The following RNF123 variants were observed in gnomAD, a reference collection of about 807,000 sequenced individuals.
The protein encoded by RNF123 is ring finger protein 123.
A neutral mutation model predicts 168.5 loss-of-function variants in RNF123; 86 were observed. The observed-to-expected ratio is 0.51, with a 90% confidence interval of 0.43 to 0.61. The LOEUF is 0.61. Ranked by LOEUF, RNF123 falls within the 20% of genes least tolerant of loss-of-function variation. The pLI is 0.00. For synonymous variants in RNF123, 666 were observed against 689.1 expected (o/e 0.97, Z 0.52); for missense variants, 1,419 against 1,729.7 (o/e 0.82, Z 3.19).
chr3:49,703,613 C>A, intron 21 of RNF123, 85 bp downstream of exon 21: 1 of 1,071,954 alleles, frequency 9.3e-7, no homozygotes, highest in Non-Finnish European at 1.4e-6. Flanking sequence ...GATGCTGAGC[C>A]ATCCTATGGC....
rs1559676223 is a variant in RNF123, at chr3:49,701,919, GC to G, written c.1495+11del. 5 of 1,559,220 alleles carry G rather than the reference GC, an allele frequency of 3.2e-6. No homozygotes were observed. Among genetic ancestry groups the G allele is most frequent in the Non-Finnish European group, 4.3e-6 (5 of 1,151,140 alleles). On this transcript the variant is annotated intron_variant, in intron 17 of 38. Transcript: ENST00000327697. ...CAGGAAGCGCATCGAAGGTCAGCCC[GC>G]CTTGGGCACGGGGTAGGGTGGGAGG...
intron 3 of RNF123, among the ~76,000 whole-genome samples, chr3:49,696,751 A>C (rs1340591137): frequency 6.7e-6 from 1 of 149,976 alleles, no homozygotes; most frequent in Non-Finnish European, 1.5e-5. Context: ...GGTTCAAGCT[A>C]TTCTCCTGCC....
intron 24 of RNF123, 129 bp downstream of exon 24, chr3:49,705,808 C>CT: frequency 6.7e-7 from 1 of 1,483,996 alleles, no homozygotes; most frequent in Non-Finnish European, 9.2e-7. Flanking sequence ...CATGCCTCAG[C>CT]GAGGCTGGTT....
intron 27 of RNF123, chr3:49,713,254 G>C (rs969021924): frequency 3.4e-6 from 2 of 593,474 alleles, no homozygotes; most frequent in Non-Finnish European, 3.0e-6. Flanking sequence ...TGCTCATCAG[G>C]TGTGTGTGCT....
chr3:49,706,927 C>T (rs906729157), intron 26 of RNF123, 29 bp downstream of exon 26: 34 of 1,587,762 alleles, frequency 2.1e-5, no homozygotes, highest in African/African-American at 9.4e-5. Flanking sequence ...TGCCCCTTCC[C>T]GACCTCACTG....
chr3:49,695,444 G>A (rs1401593886), intron 3 of RNF123, among the ~76,000 whole-genome samples: 2 of 152,172 alleles, frequency 1.3e-5, no homozygotes, highest in Admixed American at 1.3e-4. Flanking sequence ...GGGCCCACTG[G>A]GGTATTCAGA....
At chr3:49,710,556 A>G (rs1310050449) in intron 26 of RNF123, among the ~76,000 whole-genome samples, 1 of 152,226 alleles carries the variant, frequency 6.6e-6, no homozygotes, top group African/African-American at 2.4e-5. Context: ...CTGGGATTAC[A>G]GGCTTCAGCA....
At chr3:49,718,477 G>A (rs780494082) in intron 35 of RNF123, 4 of 1,612,854 alleles carry the variant, frequency 2.5e-6, no homozygotes, top group Admixed American at 3.3e-5. Context: ...GGCCAGCACC[G>A]CGATGCTGCC....
intron 24 of RNF123, 108 bp from the exon 25 acceptor site, chr3:49,705,874 T>G: frequency 1.4e-6 from 2 of 1,465,692 alleles, no homozygotes; most frequent in South Asian, 2.3e-5. Context: ...GGGACCGCCC[T>G]GGGCCTAAGG....
At position 49,700,123 on chromosome 3, in the gene RNF123, C is replaced by T; in HGVS notation, c.985-104C>T. 2.0e-6 allele frequency: 3 copies of T among 1,532,106 alleles called. No homozygotes were observed. The Admixed American group carries it at 5.6e-5, about 29-fold the overall frequency. 94.9% of individuals were successfully genotyped at this position (1,532,106 alleles called of 1,614,324 possible). ...TATGTTTGGTGTTGCTCGAGTGGCT[C>T]AAGGCTCTGTGCCTGAGGCTTGTGC... is the stretch of plus-strand genomic sequence containing the variant. On this transcript the variant is annotated intron_variant, in intron 12 of 38. Coordinates refer to ENST00000327697, the MANE Select transcript of RNF123 (RefSeq NM_022064.5).
chr3:49,698,218 C>A, intron 7 of RNF123, 81 bp downstream of exon 7: 1 of 1,309,678 alleles, frequency 7.6e-7, no homozygotes, highest in Non-Finnish European at 1.1e-6. Context: ...TCCAGATCCC[C>A]TCAGAACTGC....
intron 35 of RNF123, chr3:49,719,313 C>A: frequency 6.2e-7 from 1 of 1,613,212 alleles, no homozygotes. Context: ...CGTCCTGCAG[C>A]CCTAGGCCAG....
intron 35 of RNF123, chr3:49,718,588 C>G (rs989014753): frequency 1.2e-6 from 2 of 1,612,906 alleles, no homozygotes; most frequent in Non-Finnish European, 1.7e-6. Context: ...CAGGGACCGA[C>G]CCACCAGCGC....
intron 3 of RNF123, among the ~76,000 whole-genome samples, chr3:49,694,041 C>T (rs2054220202): frequency 6.6e-6 from 1 of 152,128 alleles, no homozygotes; most frequent in Non-Finnish European, 1.5e-5. Flanking sequence ...TATTTTCTCC[C>T]ATTTGTGGGC....
intron 5 of RNF123, 32 bp from the exon 6 acceptor site, chr3:49,697,853 G>A: frequency 6.2e-7 from 1 of 1,613,756 alleles, no homozygotes; most frequent in Non-Finnish European, 8.5e-7. Context: ...GTGTGCCTGG[G>A]AGCTAGCCCA....
At chr3:49,704,595 A>G (rs1169695443) in intron 21 of RNF123, 55 bp from the exon 22 acceptor site, 19 of 1,461,986 alleles carry the variant, frequency 1.3e-5, no homozygotes, top group Non-Finnish European at 1.8e-5. Context: ...GGGCACTTCC[A>G]CTGTGGCCCC....
intron 26 of RNF123, among the ~76,000 whole-genome samples, chr3:49,710,224 GAC>G (rs760521248): frequency 4.6e-5 from 7 of 152,140 alleles, no homozygotes; most frequent in Non-Finnish European, 8.8e-5. Flanking sequence ...GTGACATTAT[GAC>G]AAATAGTACC....
chr3:49,697,240 G>C lies in RNF123; in HGVS notation c.247+18G>C. On this transcript the variant is annotated intron_variant, in intron 4 of 38. Coordinates refer to ENST00000327697, the MANE Select transcript of RNF123 (RefSeq NM_022064.5). ...AAGCCAGGGTATGTGGCCACCTCTG[G>C]AGTGGGGTTGGGAGGTGCAGAGCTG... 1 of 1,611,928 alleles carries C rather than the reference G, an allele frequency of 6.2e-7. No individual in the cohort carries two copies. The highest frequency in any genetic ancestry group is 8.5e-7 in the Non-Finnish European group (1 of 1,178,080).
In RNF123 at chr3:49,705,895, G is replaced by A. The variant is rs1383263118; in HGVS notation, c.2305-87G>A. ...GCCCTGGGCCTAAGGTTGGGACCTT[G>A]GCAGGGCTGGGGTCCAGACTGGGTC... On this transcript the variant is annotated intron_variant, in intron 24 of 38. Coordinates refer to ENST00000327697, the MANE Select transcript of RNF123 (RefSeq NM_022064.5). 4.7e-6 allele frequency: 7 copies of A among 1,500,756 alleles called. No individual in the cohort carries two copies. In the African/African-American group the frequency reaches 8.2e-5, roughly 18 times the overall value. The allele number at this position is 1,500,756 out of a possible 1,614,324, so 93.0% of individuals were successfully genotyped here.
Sources: allele counts gnomAD v4.1 joint callset (sites outside exome capture counted in the v4.1 genomes callset), GRCh38; gene constraint gnomAD v4.1.1; transcripts MANE v1.5; gene names NCBI Gene and HGNC (gene_info 2026-07-23, HGNC 2026-07-21).